NYAP2: variants seen among roughly 807,000 people sequenced by gnomAD.
NYAP2 encodes the protein neuronal tyrosine-phosphorylated phosphoinositide-3-kinase adaptor 2.
A neutral mutation model predicts 50.4 loss-of-function variants in NYAP2; 23 were observed. That is an observed-to-expected ratio of 0.46 (90% CI 0.33 to 0.65). NYAP2 has a LOEUF of 0.65. Among genes scored for constraint, NYAP2 ranks in the 30% least tolerant of loss-of-function variants. The pLI is 0.02. For missense variants in NYAP2, 885 were observed against 861.0 expected, an observed-to-expected ratio of 1.03 and a Z score of -0.35; for synonymous variants, 394 against 365.2, an observed-to-expected ratio of 1.08 and a Z score of -0.90.
At chr2:225,426,800 G>A (rs1472397590) in intron 3 of NYAP2, among the ~76,000 whole-genome samples, 2 of 152,156 alleles carry the variant, frequency 1.3e-5, no homozygotes, top group Admixed American at 6.5e-5. Flanking sequence ...CATAATAGGT[G>A]AGAGAGCACT....
intron 3 of NYAP2, among the ~76,000 whole-genome samples, chr2:225,471,872 A>G (rs574907752): frequency 1.3e-5 from 2 of 152,224 alleles, no homozygotes; most frequent in Non-Finnish European, 2.9e-5. Context: ...CAAGGAACCC[A>G]TTAGTATGCA....
chr2:225,656,882 C>A (rs569947437), downstream of NYAP2, among the ~76,000 whole-genome samples: 13 of 152,124 alleles, frequency 8.5e-5, no homozygotes, highest in South Asian at 6.2e-4. Flanking sequence ...TCTGTATATG[C>A]GCTTCAAAAA....
rs535096119 is a variant in NYAP2, at chr2:225,461,437, A to T, written c.222-51934A>T. ...AAACTGCCTAATATTGCCAAATAAG[A>T]ATGGACCCATAGAGAAAAGTCTGTT... is the stretch of plus-strand genomic sequence containing the variant. On this transcript the variant is annotated intron_variant, in intron 3 of 6. Coordinates refer to ENST00000636099, the Ensembl canonical transcript of NYAP2. Among the ~76,000 whole-genome samples, 48 of 152,364 alleles carry T rather than the reference A, an allele frequency of 3.2e-4. 1 individual carries two copies. Among genetic ancestry groups the T allele is most frequent in the African/African-American group, 1.0e-3 (43 of 41,574 alleles).
the NYAP2 span, among the ~76,000 whole-genome samples, chr2:225,660,615 C>T: frequency 6.6e-6 from 1 of 151,942 alleles, no homozygotes; most frequent in Non-Finnish European, 1.5e-5. Flanking sequence ...CCTGTGGAAA[C>T]ACAGCATAAC....
At chr2:225,563,102 A>C (rs573365157) in intron 4 of NYAP2, among the ~76,000 whole-genome samples, 3 of 152,154 alleles carry the variant, frequency 2.0e-5, no homozygotes, top group Non-Finnish European at 4.4e-5. Context: ...ATTATCAAGC[A>C]GGCACTGTGC....
intron 5 of NYAP2, among the ~76,000 whole-genome samples, chr2:225,625,169 A>G (rs1005737201): frequency 6.6e-6 from 1 of 151,732 alleles, no homozygotes; most frequent in African/African-American, 2.4e-5. Flanking sequence ...TGATTATTAG[A>G]TAATCAGATT....
intron 4 of NYAP2, among the ~76,000 whole-genome samples, chr2:225,532,972 C>A (rs930573602): frequency 2.6e-5 from 4 of 152,112 alleles, no homozygotes; most frequent in Non-Finnish European, 5.9e-5. Flanking sequence ...AAGATAGATT[C>A]TCTCCCTTAA....
At chr2:225,519,499 C>T (rs960196251) in intron 4 of NYAP2, among the ~76,000 whole-genome samples, 3 of 147,294 alleles carry the variant, frequency 2.0e-5, no homozygotes, top group African/African-American at 7.5e-5. Flanking sequence ...TCAGTTCCCA[C>T]CTATGAGTGA....
intron 5 of NYAP2, among the ~76,000 whole-genome samples, chr2:225,612,825 T>TCACACCCAATGTGTGTGATGACAG: frequency 1.3e-5 from 2 of 151,924 alleles, no homozygotes; most frequent in Non-Finnish European, 2.9e-5. Flanking sequence ...TGTGATGACA[T>TCACACCCAATGTGTGTGATGACAG]CACACCCAAT....
intron 5 of NYAP2, among the ~76,000 whole-genome samples, chr2:225,606,765 T>A (rs1692794268): frequency 6.6e-6 from 1 of 152,178 alleles, no homozygotes; most frequent in South Asian, 2.1e-4. Flanking sequence ...TTCAAATTCC[T>A]CTTATAAAGC....
At chr2:225,425,981 G>T (rs1695280858) in intron 3 of NYAP2, among the ~76,000 whole-genome samples, 1 of 151,900 alleles carries the variant, frequency 6.6e-6, no homozygotes, top group Non-Finnish European at 1.5e-5. Flanking sequence ...AATAGTTAAG[G>T]GTAAGCTCAA....
chr2:225,626,894 A>G (rs1324626290), intron 5 of NYAP2, 23 bp from the exon 6 acceptor site: 5 of 1,514,928 alleles, frequency 3.3e-6, no homozygotes, highest in Non-Finnish European at 4.5e-6. Context: ...GTTTAACAGA[A>G]TGTAATTCTG....
Position 225,582,970 on chromosome 2 carries a change from T to A in NYAP2, c.1553T>A (p.Phe518Tyr). Reference sequence around the variant, plus strand: ...CCGCTGGAGGAGCTGACCAGCCTCTTCTCCTCCGGCCGCAGCCTGCTGCGC... The same window carrying A: ...CCGCTGGAGGAGCTGACCAGCCTCTACTCCTCCGGCCGCAGCCTGCTGCGC... The change falls in exon 5 of 7, where the codon TTC (phenylalanine) becomes TAC (tyrosine). Residue 518 changes from phenylalanine (F) to tyrosine (Y), a missense_variant. Phe to Tyr is a conservative substitution (Grantham distance 22). Transcript: ENST00000636099. The surrounding 1 kb of genome is among the most constrained non-coding windows in gnomAD (Gnocchi z 7.0). The A allele has an allele frequency of 6.2e-7, 1 of 1,612,418 alleles. No individual in the cohort carries two copies. Among genetic ancestry groups the A allele is most frequent in the Non-Finnish European group, 8.5e-7 (1 of 1,179,678 alleles).
chr2:225,540,286 T>A (rs1469539556), intron 4 of NYAP2, among the ~76,000 whole-genome samples: 1 of 152,220 alleles, frequency 6.6e-6, no homozygotes, highest in African/African-American at 2.4e-5. Flanking sequence ...ACCAATTTAC[T>A]GCATTAGTTT....
intron 3 of NYAP2, among the ~76,000 whole-genome samples, chr2:225,496,319 A>G (rs368150274): frequency 6.6e-6 from 1 of 152,222 alleles, no homozygotes; most frequent in East Asian, 1.9e-4. Context: ...GAAAAAAAAA[A>G]TATCTTTGGG....
chr2:225,404,330 G>GT (rs1024981091), intron 2 of NYAP2, among the ~76,000 whole-genome samples: 1 of 151,796 alleles, frequency 6.6e-6, no homozygotes, highest in African/African-American at 2.4e-5. Flanking sequence ...AAAACGAGTT[G>GT]TTTTTTAAAT....
At chr2:225,509,467 C>T (rs1262395321) in intron 3 of NYAP2, among the ~76,000 whole-genome samples, 1 of 152,140 alleles carries the variant, frequency 6.6e-6, no homozygotes, top group Non-Finnish European at 1.5e-5. Flanking sequence ...TGGAGTGGTG[C>T]AGTGGCATGA....
intron 3 of NYAP2, among the ~76,000 whole-genome samples, chr2:225,427,660 TC>T (rs1200686290): frequency 6.6e-6 from 1 of 152,196 alleles, no homozygotes; most frequent in African/African-American, 2.4e-5. Context: ...TTGCTTGCTA[TC>T]TCTTATTTTG....
At chr2:225,618,528 G>A (rs1483011838) in intron 5 of NYAP2, among the ~76,000 whole-genome samples, 3 of 152,168 alleles carry the variant, frequency 2.0e-5, no homozygotes, top group Non-Finnish European at 4.4e-5. Flanking sequence ...CTCAAACTAG[G>A]AAAAGGAATT....
Sources: allele counts gnomAD v4.1 joint callset (sites outside exome capture counted in the v4.1 genomes callset), GRCh38; gene constraint gnomAD v4.1.1; non-coding constraint Gnocchi (gnomAD v3.1); transcripts MANE v1.5; gene names NCBI Gene and HGNC (gene_info 2026-07-23, HGNC 2026-07-21).